The following CFAP77 variants were observed in gnomAD, a reference collection of about 807,000 sequenced individuals.
CFAP77 encodes cilia and flagella associated protein 77, also known as cilia- and flagella-associated protein 77.
A neutral mutation model predicts 31.1 loss-of-function variants in CFAP77; 25 were observed. The ratio of observed to expected loss-of-function variants is 0.80; its 90% CI spans 0.59 to 1.12. The LOEUF (loss-of-function observed/expected upper bound fraction) is 1.12. Ranked by LOEUF, CFAP77 falls within the 50% of genes most tolerant of loss-of-function variation. CFAP77 has a pLI of 0.00. For synonymous variants in CFAP77, 151 were observed against 159.9 expected (o/e 0.94, Z 0.42); for missense variants, 377 against 397.3 (o/e 0.95, Z 0.44).
Position 132,559,260 on chromosome 9 carries a change from G to T in CFAP77, c.733-13128G>T, listed in dbSNP as rs182732111. ...CTCGGGAGGCCGAGGCAGAAGAATG[G>T]CATGAACCCGGGAGGCGGAGGTTGC... On this transcript the variant is annotated intron_variant, in intron 5 of 5. Coordinates refer to ENST00000393216, the MANE Select transcript of CFAP77 (RefSeq NM_001282957.2). Among the ~76,000 whole-genome samples the T allele has an allele frequency of 2.7e-5, 4 of 147,814 alleles. No homozygotes were observed. In the East Asian group the frequency reaches 8.0e-4, roughly 29 times the overall value.
chr9:132,502,265 A>ATTTTTT (rs571665067), intron 3 of CFAP77, among the ~76,000 whole-genome samples: 1 of 83,866 alleles, frequency 1.2e-5, no homozygotes, highest in South Asian at 3.2e-4. Context: ...ATATATATAT[A>ATTTTTT]TTTTTTTTTT....
chr9:132,480,083 C>T lies in CFAP77; in HGVS notation c.196-18612C>T, dbSNP rs964470177. Among the ~76,000 whole-genome samples, 6 of 152,152 alleles carry T rather than the reference C, an allele frequency of 3.9e-5. No homozygotes were observed. The highest frequency in any genetic ancestry group is 1.4e-4 in the African/African-American group (6 of 41,432). ...GGTGGGGGGGACCCTGAAAATCAAC[C>T]GGCTCAGCCCCCTCATTTTGCAGAT... On this transcript the variant is annotated intron_variant, in intron 1 of 5. Transcript: ENST00000393216. This position sits in a 1 kb window ranked among gnomAD's most constrained non-coding sequence, Gnocchi z 5.8.
intron 3 of CFAP77, among the ~76,000 whole-genome samples, chr9:132,521,064 G>A (rs369417042): frequency 1.3e-5 from 2 of 152,334 alleles, no homozygotes; most frequent in South Asian, 2.1e-4. Flanking sequence ...GCCTGTCCTC[G>A]GCTTCAGGAA....
rs1182875663 is a variant in CFAP77 at position 132,438,781 on chromosome 9, C to T, written c.195+28315C>T. ...AACTCCTGAGCTCAAGTGATCCACC[C>T]ATCTCAGTCTGCCAAAGTGCTGGGG... On this transcript the variant is annotated intron_variant, in intron 1 of 5. Transcript: ENST00000393216. Among the ~76,000 whole-genome samples the T allele has an allele frequency of 3.3e-5, 5 of 151,776 alleles. No individual in the cohort carries two copies. The East Asian group carries it at 9.7e-4, about 29-fold the overall frequency.
intron 1 of CFAP77, among the ~76,000 whole-genome samples, chr9:132,446,046 G>A (rs1361370403): frequency 6.6e-6 from 1 of 151,958 alleles, no homozygotes; most frequent in Non-Finnish European, 1.5e-5. Flanking sequence ...GTTTGCTGTT[G>A]ACCCTTATGT....
intron 1 of CFAP77, among the ~76,000 whole-genome samples, chr9:132,453,823 C>G (rs1850871184): frequency 6.6e-6 from 1 of 152,190 alleles, no homozygotes; most frequent in South Asian, 2.1e-4. Context: ...TCTCTCACTT[C>G]TGAGTACGTA....
chr9:132,414,436 G>A (rs1850062084), intron 1 of CFAP77, among the ~76,000 whole-genome samples: 1 of 152,032 alleles, frequency 6.6e-6, no homozygotes, highest in Non-Finnish European at 1.5e-5. Flanking sequence ...TGAATGCGAA[G>A]AGGCAGGCAG....
rs796594853 is a variant in CFAP77, at chr9:132,554,502, AT to A, written c.732+11463del. On this transcript the variant is annotated intron_variant, in intron 5 of 5. Transcript: ENST00000393216. The surrounding 1 kb of genome is among the most constrained non-coding windows in gnomAD (Gnocchi z 4.1). ...AGGTGCACACCACCATGCCCGGCTA[AT>A]TTTTTTTATGTTTTGTAGAGATGGG... Among the ~76,000 whole-genome samples the A allele has an allele frequency of 6.6e-6, 1 of 151,648 alleles. No individual in the cohort carries two copies. The highest frequency in any genetic ancestry group is 1.9e-4 in the East Asian group (1 of 5,170).
At chr9:132,471,592 T>C (rs942757492) in intron 1 of CFAP77, among the ~76,000 whole-genome samples, 1 of 152,184 alleles carries the variant, frequency 6.6e-6, no homozygotes, top group Non-Finnish European at 1.5e-5. Context: ...ATCAGGTAGG[T>C]TGGTGATAGG....
At chr9:132,423,909 G>A (rs1369417889) in intron 1 of CFAP77, among the ~76,000 whole-genome samples, 1 of 152,200 alleles carries the variant, frequency 6.6e-6, no homozygotes, top group Non-Finnish European at 1.5e-5. Context: ...TGATGGGAGA[G>A]AAGAATCCAG....
intron 3 of CFAP77, among the ~76,000 whole-genome samples, chr9:132,518,386 A>C (rs991952160): frequency 1.3e-5 from 2 of 152,090 alleles, no homozygotes; most frequent in African/African-American, 4.8e-5. Flanking sequence ...ACACAGCTTA[A>C]CCATTAGGGG....
rs937538560 is a variant in CFAP77, at chr9:132,480,060, T to TG, written c.196-18628dup. On this transcript the variant is annotated intron_variant, in intron 1 of 5. Transcript: ENST00000393216. This position sits in a 1 kb window ranked among gnomAD's most constrained non-coding sequence, Gnocchi z 5.8. The stretch of plus-strand genomic sequence containing the variant: ...TCCAGATAGGAAATGGCAGAGCTGG[T>TG]GGGGGGGACCCTGAAAATCAACCGG... Among the ~76,000 whole-genome samples the TG allele has an allele frequency of 9.2e-5, 14 of 151,992 alleles. No individual in the cohort carries two copies. The highest frequency in any genetic ancestry group is 4.6e-4 in the Admixed American group (7 of 15,262).
intron 1 of CFAP77, among the ~76,000 whole-genome samples, chr9:132,416,393 T>G (rs1850099818): frequency 7.5e-6 from 1 of 133,458 alleles, no homozygotes. Context: ...CAGGCTGGAG[T>G]GCAATGGCAC....
intron 3 of CFAP77, among the ~76,000 whole-genome samples, chr9:132,520,311 G>A (rs1278458325): frequency 6.6e-6 from 1 of 152,174 alleles, no homozygotes; most frequent in Non-Finnish European, 1.5e-5. Flanking sequence ...AATTTGATGA[G>A]TTTTGACAAA....
intron 1 of CFAP77, among the ~76,000 whole-genome samples, chr9:132,467,154 G>A (rs1851166531): frequency 6.6e-6 from 1 of 152,090 alleles, no homozygotes; most frequent in Non-Finnish European, 1.5e-5. Context: ...CTCCAGCCTG[G>A]GCAACAGAGT....
At chr9:132,484,654 C>A (rs971370252) in intron 1 of CFAP77, among the ~76,000 whole-genome samples, 3 of 152,034 alleles carry the variant, frequency 2.0e-5, no homozygotes, top group Non-Finnish European at 4.4e-5. Context: ...GGTGTGGTTT[C>A]TGTCTGTTGG....
intron 3 of CFAP77, among the ~76,000 whole-genome samples, chr9:132,531,470 A>G (rs1564242674): frequency 6.6e-6 from 1 of 152,100 alleles, no homozygotes; most frequent in African/African-American, 2.4e-5. Flanking sequence ...GCAAAGGGGA[A>G]GCTGAGTGTG....
At chr9:132,437,621 T>A (rs1209827581) in intron 1 of CFAP77, among the ~76,000 whole-genome samples, 1 of 148,652 alleles carries the variant, frequency 6.7e-6, no homozygotes, top group Non-Finnish European at 1.5e-5. Flanking sequence ...GCCATTCTCC[T>A]GCCTCAGCCT....
intron 1 of CFAP77, among the ~76,000 whole-genome samples, chr9:132,471,091 G>T (rs927645766): frequency 2.6e-5 from 4 of 152,140 alleles, no homozygotes; most frequent in Admixed American, 1.3e-4. Flanking sequence ...GTGGGCCCAG[G>T]GCACTGTGTC....
Sources: allele counts gnomAD v4.1 joint callset (sites outside exome capture counted in the v4.1 genomes callset), GRCh38; gene constraint gnomAD v4.1.1; non-coding constraint Gnocchi (gnomAD v3.1); transcripts MANE v1.5; gene names NCBI Gene and HGNC (gene_info 2026-07-23, HGNC 2026-07-21).